TTC28: variants seen among roughly 807,000 people sequenced by gnomAD.
The protein encoded by TTC28 is tetratricopeptide repeat protein 28.
TTC28 carries 61 observed loss-of-function variants against 198.0 expected under a neutral mutation model. The observed-to-expected ratio is 0.31, with a 90% confidence interval of 0.25 to 0.38. The LOEUF (loss-of-function observed/expected upper bound fraction) is 0.38, where lower values mean the gene tolerates loss of function less well. TTC28 is among the 10% of genes least tolerant of loss of function. The probability of loss-of-function intolerance (pLI) is 1.00; values close to 1 mark genes in which losing one functional copy is unlikely to be tolerated. For synonymous variants in TTC28, 1,171 were observed against 1,297.8 expected, an observed-to-expected ratio of 0.90 and a Z score of 2.10; for missense variants, 2,678 against 3,164.0, an observed-to-expected ratio of 0.85 and a Z score of 3.69.
intron 12 of TTC28, among the ~76,000 whole-genome samples, chr22:28,049,782 G>A (rs548336854): frequency 6.6e-6 from 1 of 152,246 alleles, no homozygotes; most frequent in African/African-American, 2.4e-5. Flanking sequence ...GTGTGAGGGG[G>A]TGCAGTGGGC....
intron 12 of TTC28, among the ~76,000 whole-genome samples, chr22:28,085,513 A>T (rs1243173661): frequency 2.6e-5 from 4 of 152,188 alleles, no homozygotes; most frequent in African/African-American, 9.6e-5. Flanking sequence ...TGAAGGAAGC[A>T]CTAAACATGG....
chr22:28,212,408 G>A (rs1297776065), intron 5 of TTC28, among the ~76,000 whole-genome samples: 2 of 138,572 alleles, frequency 1.4e-5, no homozygotes, highest in Non-Finnish European at 3.2e-5. Flanking sequence ...AAAGAGAGAA[G>A]AGTCAAATAG....
intron 2 of TTC28, among the ~76,000 whole-genome samples, chr22:28,323,716 A>C (rs1311260836): frequency 6.6e-6 from 1 of 152,224 alleles, no homozygotes; most frequent in African/African-American, 2.4e-5. Flanking sequence ...AAGAGAAAAT[A>C]ACAGAATTTT....
intron 5 of TTC28, among the ~76,000 whole-genome samples, chr22:28,271,978 C>T (rs929528785): frequency 6.6e-6 from 1 of 152,118 alleles, no homozygotes; most frequent in Non-Finnish European, 1.5e-5. Flanking sequence ...GTAAGACATG[C>T]CTTTTGCCTT....
intron 5 of TTC28, among the ~76,000 whole-genome samples, chr22:28,210,100 A>G (rs190979557): frequency 6.6e-5 from 10 of 152,256 alleles, no homozygotes; most frequent in Admixed American, 3.9e-4. Context: ...GCAAACTAAC[A>G]AACAGAAAGG....
At chr22:28,134,747 G>C (rs1044862860) in intron 6 of TTC28, among the ~76,000 whole-genome samples, 1 of 151,916 alleles carries the variant, frequency 6.6e-6, no homozygotes, top group Non-Finnish European at 1.5e-5. Context: ...GTGACGAGGA[G>C]AATGGAACCA....
chr22:28,553,068 C>T (rs1354907029), intron 2 of TTC28, among the ~76,000 whole-genome samples: 25 of 152,134 alleles, frequency 1.6e-4, no homozygotes, highest in Non-Finnish European at 2.9e-4. Context: ...GGATTGCAGA[C>T]GGAGTCTCGT....
At chr22:28,420,565 C>CAA (rs4035770) in intron 2 of TTC28, among the ~76,000 whole-genome samples, 3,531 of 97,868 alleles carry the variant, frequency 0.036, 70 homozygotes, top group East Asian at 0.09. Flanking sequence ...CTAAAAAATG[C>CAA]AAAAAAAAAA....
intron 2 of TTC28, among the ~76,000 whole-genome samples, chr22:28,525,080 T>C (rs1039578942): frequency 5.9e-5 from 9 of 152,232 alleles, no homozygotes; most frequent in African/African-American, 1.4e-4. Flanking sequence ...TCTTCATACT[T>C]AGTATATCTT....
rs540390806 is a variant in TTC28 at position 28,111,021 on chromosome 22, T to C, written c.1442-2618A>G. Among the ~76,000 whole-genome samples, 28 of 152,148 alleles carry C rather than the reference T, an allele frequency of 1.8e-4. No homozygotes were observed. In the South Asian group the frequency reaches 5.6e-3, roughly 30 times the overall value. ...GGATATATGATCCCAAAACAGTACA[T>C]TTTAATGCATACTTTAGTAGCATTG... is the stretch of plus-strand genomic sequence containing the variant. On this transcript the variant is annotated intron_variant, in intron 6 of 22. Transcript: ENST00000397906.
At chr22:28,154,775 T>A (rs974009169) in intron 6 of TTC28, among the ~76,000 whole-genome samples, 1 of 152,228 alleles carries the variant, frequency 6.6e-6, no homozygotes, top group African/African-American at 2.4e-5. Context: ...TAAATCATTT[T>A]AAATTATTTT....
At chr22:28,622,935 C>T (rs963008981) in intron 2 of TTC28, among the ~76,000 whole-genome samples, 2 of 152,056 alleles carry the variant, frequency 1.3e-5, no homozygotes, top group Non-Finnish European at 2.9e-5. Context: ...GATTCTCCTG[C>T]CTCAGCCTCC....
chr22:28,095,834 C>T (rs1222865658), intron 11 of TTC28, among the ~76,000 whole-genome samples: 1 of 152,166 alleles, frequency 6.6e-6, no homozygotes, highest in African/African-American at 2.4e-5. Context: ...AATTATTAAA[C>T]CATGTCTAGA....
chr22:28,334,457 C>A (rs80307054), intron 2 of TTC28, among the ~76,000 whole-genome samples: 5 of 152,126 alleles, frequency 3.3e-5, no homozygotes, highest in Admixed American at 6.5e-5. Flanking sequence ...AACTAGTTTA[C>A]AATCCCACCA....
intron 2 of TTC28, among the ~76,000 whole-genome samples, chr22:28,334,544 C>A (rs2045674972): frequency 6.6e-6 from 1 of 152,202 alleles, no homozygotes; most frequent in Non-Finnish European, 1.5e-5. Flanking sequence ...GATACCCATT[C>A]TAACTGGTGT....
intron 2 of TTC28, among the ~76,000 whole-genome samples, chr22:28,553,423 C>T (rs1203944717): frequency 6.7e-6 from 1 of 149,042 alleles, no homozygotes; most frequent in African/African-American, 2.5e-5. Context: ...ATGTGGGGAG[C>T]GCCTCTGCCC....
intron 2 of TTC28, among the ~76,000 whole-genome samples, chr22:28,557,562 TTG>T (rs1295925566): frequency 6.6e-6 from 1 of 152,266 alleles, no homozygotes; most frequent in Non-Finnish European, 1.5e-5. Context: ...TCGCTCATTT[TTG>T]TGAGTTCCTC....
intron 12 of TTC28, among the ~76,000 whole-genome samples, chr22:28,067,752 T>G (rs1010579908): frequency 4.6e-5 from 7 of 152,220 alleles, no homozygotes; most frequent in African/African-American, 1.7e-4. Context: ...CAAGGCTAAC[T>G]TACTTGGAAG....
chr22:28,452,340 A>AGATT (rs1190961625), intron 2 of TTC28, among the ~76,000 whole-genome samples: 1 of 132,188 alleles, frequency 7.6e-6, no homozygotes, highest in Non-Finnish European at 1.6e-5. Flanking sequence ...CAATGAGCCG[A>AGATT]GATTGTGCCA....
Sources: allele counts gnomAD v4.1 joint callset (sites outside exome capture counted in the v4.1 genomes callset), GRCh38; gene constraint gnomAD v4.1.1; transcripts MANE v1.5; gene names NCBI Gene and HGNC (gene_info 2026-07-23, HGNC 2026-07-21).